PLEKHA6: variants seen among roughly 807,000 people sequenced by gnomAD.
The protein encoded by PLEKHA6 is pleckstrin homology domain-containing family A member 6.
Under a neutral mutation model 116.7 loss-of-function variants are expected in PLEKHA6, and 60 were observed. The observed-to-expected ratio is 0.51, with a 90% CI of 0.42 to 0.64. The LOEUF is 0.64. Among genes scored for constraint, PLEKHA6 ranks in the 30% least tolerant of loss-of-function variants. The pLI, the probability that PLEKHA6 is intolerant of heterozygous loss-of-function variation, is 0.00. For missense variants in PLEKHA6, 1,338 were observed against 1,422.7 expected (o/e 0.94, Z 0.96); for synonymous variants, 489 against 556.1 (o/e 0.88, Z 1.70).
At chr1:204,234,589 G>C (rs1011484216) in intron 17 of PLEKHA6, among the ~76,000 whole-genome samples, 2 of 152,008 alleles carry the variant, frequency 1.3e-5, no homozygotes, top group Non-Finnish European at 2.9e-5. Context: ...GGTTAATACT[G>C]AGCATCAACT....
At chr1:204,307,769 G>A (rs934815974) in intron 1 of PLEKHA6, 4 of 593,136 alleles carry the variant, frequency 6.7e-6, no homozygotes, top group East Asian at 2.8e-4. Flanking sequence ...CTAGCCCAGC[G>A]GAGCTGAGCC....
chr1:204,252,945 TCTC>T (rs1252126207), intron 9 of PLEKHA6, among the ~76,000 whole-genome samples: 3 of 152,208 alleles, frequency 2.0e-5, no homozygotes, highest in African/African-American at 7.2e-5. Context: ...GCAGGAGTGT[TCTC>T]ATCCTGGCCT....
intron 1 of PLEKHA6, among the ~76,000 whole-genome samples, chr1:204,286,048 C>A (rs1211540045): frequency 6.6e-6 from 1 of 152,142 alleles, no homozygotes; most frequent in Non-Finnish European, 1.5e-5. Context: ...AGGATTCTTC[C>A]TTCCCTGCAC....
chr1:204,265,091 G>A (rs371080495), intron 5 of PLEKHA6, 49 bp from the exon 6 acceptor site: 109 of 1,315,336 alleles, frequency 8.3e-5, no homozygotes, highest in Middle Eastern at 3.6e-4. Flanking sequence ...GTGTGCAAGC[G>A]TGTGCGTGCG....
chr1:204,299,050 C>A (rs1262550916), intron 1 of PLEKHA6, among the ~76,000 whole-genome samples: 2 of 152,216 alleles, frequency 1.3e-5, no homozygotes. Context: ...CCAGCCATTT[C>A]TTTGACCTTG....
rs532695507 is a variant in PLEKHA6 at position 204,315,725 on chromosome 1, T to C, written c.-94-40916A>G. ...TTCAAGGAAACCCTAATCTAGAGAG[T>C]GGATACAGATAAAAGCAAACCAACA... On this transcript the variant is annotated intron_variant, in intron 1 of 22. Coordinates refer to ENST00000272203, the MANE Select transcript of PLEKHA6 (RefSeq NM_014935.5). Among the ~76,000 whole-genome samples, 52 of 151,674 alleles carry C rather than the reference T, an allele frequency of 3.4e-4. 1 individual carries two copies. The South Asian group carries it at 0.01, about 30-fold the overall frequency.
chr1:204,222,550 G>A lies in PLEKHA6; in HGVS notation c.*238C>T, dbSNP rs948004462. On this transcript the variant is annotated 3_prime_UTR_variant, in exon 23 of 23. Transcript: ENST00000272203. ...ATCTCAGGCCCTGGCCCAGGACCAC[G>A]GTGTGAGTAGTGATGGCTCCAGGGC... 6 of 152,930 alleles carry A rather than the reference G, an allele frequency of 3.9e-5. No individual in the cohort carries two copies. The highest frequency in any genetic ancestry group is 2.1e-4 in the South Asian group (1 of 4,830). 9.5% of individuals were successfully genotyped at this position (152,930 alleles called of 1,614,324 possible).
upstream of PLEKHA6, among the ~76,000 whole-genome samples, chr1:204,363,815 TG>T (rs1673604394): frequency 6.6e-6 from 1 of 152,038 alleles, no homozygotes; most frequent in Non-Finnish European, 1.5e-5. Flanking sequence ...GAAAGCCTTG[TG>T]GGGCCATCAT....
At chr1:204,301,577 T>TGGGAATGGCCCTAGGG in intron 1 of PLEKHA6, 1 of 532,404 alleles carries the variant, frequency 1.9e-6, no homozygotes, top group Non-Finnish European at 2.4e-6. Flanking sequence ...ACTTACTCCC[T>TGGGAATGGCCCTAGGG]AGGGCCATTC....
At chr1:204,274,108 T>C (rs2102904812) in intron 2 of PLEKHA6, among the ~76,000 whole-genome samples, 1 of 152,124 alleles carries the variant, frequency 6.6e-6, no homozygotes, top group Admixed American at 6.5e-5. Flanking sequence ...TAATTTTTTT[T>C]TTTTAGAGAG....
chr1:204,275,800 C>T, intron 1 of PLEKHA6: 1 of 706,012 alleles, frequency 1.4e-6, no homozygotes, highest in Non-Finnish European at 1.7e-6. Flanking sequence ...AGCATTCAGC[C>T]AGTGGAGGGA....
At chr1:204,347,877 C>T (rs1437976810) in intron 1 of PLEKHA6, among the ~76,000 whole-genome samples, 2 of 152,068 alleles carry the variant, frequency 1.3e-5, no homozygotes. Context: ...AGATACTCAT[C>T]CAATTTCACA....
At chr1:204,274,031 T>C (rs1465366765) in intron 2 of PLEKHA6, among the ~76,000 whole-genome samples, 3 of 152,116 alleles carry the variant, frequency 2.0e-5, no homozygotes, top group Non-Finnish European at 2.9e-5. Context: ...ATGCCTAGGC[T>C]CAAGTGATCT....
chr1:204,346,121 G>T (rs1673035908), intron 1 of PLEKHA6, among the ~76,000 whole-genome samples: 1 of 152,196 alleles, frequency 6.6e-6, no homozygotes, highest in South Asian at 2.1e-4. Flanking sequence ...CTGCCCCATT[G>T]GATAGCCCCC....
intron 17 of PLEKHA6, among the ~76,000 whole-genome samples, chr1:204,239,368 G>A (rs996367573): frequency 5.3e-5 from 8 of 152,176 alleles, no homozygotes; most frequent in African/African-American, 1.9e-4. Flanking sequence ...ATTCCTTGGG[G>A]TGAACAACCA....
Position 204,244,886 on chromosome 1 carries a change from G to T in PLEKHA6, c.2150C>A (p.Pro717His). 2 of 1,561,480 alleles carry T rather than the reference G, an allele frequency of 1.3e-6. No individual in the cohort carries two copies. The highest frequency in any genetic ancestry group is 4.9e-5 in the East Asian group (2 of 41,010). Residue 717 changes from proline to histidine, a missense_variant, in exon 15 of 23, where the codon CCC (proline) becomes CAC (histidine). Coordinates refer to ENST00000272203, the MANE Select transcript of PLEKHA6 (RefSeq NM_014935.5). ...TACCTCGTTGGAGCCAGGCTTGGTG[G>T]GGGACCCCTGAGAGCCCGACACCAG... ...FSLVSGSQGS[P>H]TKPGSNEPKA...
At chr1:204,291,755 C>T (rs1418349242) in intron 1 of PLEKHA6, among the ~76,000 whole-genome samples, 5 of 151,956 alleles carry the variant, frequency 3.3e-5, no homozygotes, top group Admixed American at 2.0e-4. Context: ...AGAAAGCAGA[C>T]GGGTGGTTGC....
At chr1:204,305,829 C>A (rs1267381668) in intron 1 of PLEKHA6, among the ~76,000 whole-genome samples, 1 of 152,140 alleles carries the variant, frequency 6.6e-6, no homozygotes, top group Non-Finnish European at 1.5e-5. Flanking sequence ...TAATAAATGG[C>A]TGTGTGATTG....
intron 15 of PLEKHA6, among the ~76,000 whole-genome samples, chr1:204,243,558 T>C (rs1455067121): frequency 6.6e-6 from 1 of 152,116 alleles, no homozygotes; most frequent in African/African-American, 2.4e-5. Flanking sequence ...GCAGCTCCTC[T>C]CCCACCCTTT....
Sources: allele counts gnomAD v4.1 joint callset (sites outside exome capture counted in the v4.1 genomes callset), GRCh38; gene constraint gnomAD v4.1.1; transcripts MANE v1.5; gene names NCBI Gene and HGNC (gene_info 2026-07-23, HGNC 2026-07-21).